The following CLHC1 variants were observed in gnomAD, a reference collection of about 807,000 sequenced individuals.
The protein encoded by CLHC1 is clathrin heavy chain linker domain containing 1.
CLHC1 carries 72 observed loss-of-function variants against 69.5 expected under a neutral mutation model. The ratio of observed to expected loss-of-function variants is 1.04; its 90% CI spans 0.86 to 1.26. CLHC1 has a LOEUF of 1.26. CLHC1 is among the 50% of genes most tolerant of loss of function. CLHC1 has a pLI of 0.00. For missense variants in CLHC1, 790 were observed against 679.3 expected (o/e 1.16, Z -1.81); for synonymous variants, 223 against 224.3 (o/e 0.99, Z 0.05).
chr2:55,218,077 ATAGAT>A, intron 3 of CLHC1, 79 bp from the exon 4 acceptor site: 1 of 689,118 alleles, frequency 1.5e-6, no homozygotes, highest in Non-Finnish European at 2.2e-6. Flanking sequence ...AAATAACATT[ATAGAT>A]TATTTTAAAA....
At position 55,180,777 on chromosome 2, in the gene CLHC1, A is replaced by G. The variant is rs930525216; in HGVS notation, c.1182-65T>C. 2.2e-5 allele frequency: 30 copies of G among 1,350,660 alleles called. No individual in the cohort carries two copies. The African/African-American group carries it at 4.2e-4, about 19-fold the overall frequency. 83.7% of individuals were successfully genotyped at this position (1,350,660 alleles called of 1,614,324 possible). A position where few individuals can be genotyped will look rare whatever the true frequency, so the allele number is the denominator to read the frequency against. The stretch of plus-strand genomic sequence containing the variant: ...CCTGATGAGTGGCTGAGACTGAAAT[A>G]TTTGAAAATTCAGCACAGTAGGACT... On this transcript the variant is annotated intron_variant, in intron 10 of 12. Transcript: ENST00000401408.
intron 5 of CLHC1, among the ~76,000 whole-genome samples, chr2:55,210,842 T>C (rs1672924064): frequency 6.6e-6 from 1 of 152,132 alleles, no homozygotes; most frequent in Admixed American, 6.5e-5. Context: ...TTCAAATGCC[T>C]TTAAAAAATA....
At chr2:55,176,308 A>G (rs571057466) in intron 12 of CLHC1, among the ~76,000 whole-genome samples, 89 of 152,316 alleles carry the variant, frequency 5.8e-4, no homozygotes, top group African/African-American at 2.0e-3. Context: ...GGAGCTCAGA[A>G]AGTGATGAAT....
intron 4 of CLHC1, chr2:55,214,265 T>C (rs1673281054): frequency 6.6e-6 from 1 of 152,350 alleles, no homozygotes; most frequent in Admixed American, 6.5e-5. Context: ...ATCCCAGCAC[T>C]GTGGGAGGCC....
chr2:55,183,843 C>T (rs555710247), intron 9 of CLHC1, among the ~76,000 whole-genome samples: 57 of 152,208 alleles, frequency 3.7e-4, no homozygotes, highest in Non-Finnish European at 4.3e-4. Flanking sequence ...TGCAATGGTG[C>T]GATCTCGGCT....
At position 55,172,701 on chromosome 2, in the gene CLHC1, TAAA is replaced by T. The variant is rs11347337; in HGVS notation, c.*3086_*3088del. 9.7e-4 allele frequency among the ~76,000 whole-genome samples: 139 copies of T among 143,020 alleles called. No individual in the cohort carries two copies. The highest frequency in any genetic ancestry group is 3.1e-3 in the African/African-American group (124 of 39,706). The allele number at this position is 143,020 out of a possible 152,430, so 93.8% of individuals were successfully genotyped here. Reference sequence around the variant, plus strand: ...GAGCTTTCTATGAAATGTACAAAGTTAAAAAAAAAAAAAAAGGCCTCTGCTATG... The same window carrying T: ...GAGCTTTCTATGAAATGTACAAAGTTAAAAAAAAAAAAGGCCTCTGCTATG... On this transcript the variant is annotated 3_prime_UTR_variant, in exon 13 of 13. Coordinates refer to ENST00000401408, the MANE Select transcript of CLHC1 (RefSeq NM_152385.4).
intron 9 of CLHC1, among the ~76,000 whole-genome samples, chr2:55,184,575 A>G (rs182537089): frequency 6.6e-6 from 1 of 152,224 alleles, no homozygotes; most frequent in Admixed American, 6.5e-5. Context: ...TAAGTTAAAT[A>G]TATATACATT....
At chr2:55,210,228 A>C (rs1479455240) in intron 5 of CLHC1, among the ~76,000 whole-genome samples, 1 of 151,036 alleles carries the variant, frequency 6.6e-6, no homozygotes, top group Admixed American at 6.6e-5. Context: ...ATGGAGTCGC[A>C]CTCTGTCGCC....
intron 9 of CLHC1, among the ~76,000 whole-genome samples, chr2:55,198,305 G>A (rs918944659): frequency 4.6e-5 from 7 of 152,204 alleles, no homozygotes; most frequent in Admixed American, 1.3e-4. Context: ...ATAATACCTG[G>A]CTGGGTGTGG....
intron 9 of CLHC1, 119 bp from the exon 10 acceptor site, chr2:55,181,863 A>G: frequency 2.6e-6 from 2 of 759,986 alleles, no homozygotes; most frequent in Non-Finnish European, 2.2e-6. Flanking sequence ...CTAAAATTAC[A>G]CATTTATAAT....
chr2:55,182,685 G>A lies in CLHC1; in HGVS notation c.1007-941C>T, dbSNP rs368665602. Reference sequence around the variant, plus strand: ...ATATTTGCCTGGAAAGTTTAAAGGTGAAAGGCTAGAGTGAGTAAAGAGAAT... The same window carrying A: ...ATATTTGCCTGGAAAGTTTAAAGGTAAAAGGCTAGAGTGAGTAAAGAGAAT... On this transcript the variant is annotated intron_variant, in intron 9 of 12. Coordinates refer to ENST00000401408, the MANE Select transcript of CLHC1 (RefSeq NM_152385.4). Among the ~76,000 whole-genome samples the A allele has an allele frequency of 2.0e-5, 3 of 152,338 alleles. No individual in the cohort carries two copies. The East Asian group carries it at 5.8e-4, about 29-fold the overall frequency.
At chr2:55,230,514 T>A (rs1291512516) in intron 1 of CLHC1, among the ~76,000 whole-genome samples, 3 of 152,144 alleles carry the variant, frequency 2.0e-5, no homozygotes, top group African/African-American at 4.8e-5. Flanking sequence ...CATTTGCATA[T>A]GATGATACTT....
At chr2:55,188,134 C>G (rs1265644367) in intron 9 of CLHC1, among the ~76,000 whole-genome samples, 2 of 151,968 alleles carry the variant, frequency 1.3e-5, no homozygotes, top group African/African-American at 2.4e-5. Flanking sequence ...GGCAACATAG[C>G]AAGTCTCCAT....
intron 9 of CLHC1, among the ~76,000 whole-genome samples, chr2:55,183,046 C>G (rs1360714338): frequency 6.6e-6 from 1 of 152,112 alleles, no homozygotes; most frequent in Non-Finnish European, 1.5e-5. Flanking sequence ...GACCACTGCA[C>G]CAGTTGAGTA....
Position 55,180,536 on chromosome 2 carries a change from A to ATGT in CLHC1, c.1355_1357dup (p.Tyr452_Ile453insAsn). On this transcript the variant is annotated inframe_insertion, in exon 11 of 13. Transcript: ENST00000401408. ...GGTAGTAAAGTCCTTCAACTGCTGT[A>ATGT]TGTACTCCATGACCCTATGAGTCTG... is the stretch of plus-strand genomic sequence containing the variant. 1 of 1,614,018 alleles carries ATGT rather than the reference A, an allele frequency of 6.2e-7. No homozygotes were observed. Among genetic ancestry groups the ATGT allele is most frequent in the Non-Finnish European group, 8.5e-7 (1 of 1,179,876 alleles).
chr2:55,232,447 C>T (rs1367882110), upstream of CLHC1: 2 of 313,188 alleles, frequency 6.4e-6, no homozygotes, highest in South Asian at 3.1e-5. Flanking sequence ...GTTGATTGTA[C>T]GGGAAAAGCC....
At chr2:55,217,335 G>C (rs984901373) in intron 4 of CLHC1, among the ~76,000 whole-genome samples, 3 of 150,414 alleles carry the variant, frequency 2.0e-5, no homozygotes, top group African/African-American at 7.3e-5. Context: ...GGGCAACATA[G>C]TGAGACCCCA....
intron 9 of CLHC1, among the ~76,000 whole-genome samples, chr2:55,183,984 T>G (rs1027096815): frequency 6.6e-6 from 1 of 152,212 alleles, no homozygotes; most frequent in African/African-American, 2.4e-5. Context: ...TGTCACCATG[T>G]TGGCCAGGAT....
Position 55,208,687 on chromosome 2 carries a change from G to T in CLHC1, c.838C>A (p.Leu280Ile). Reference protein sequence around the residue: ...LQGDQGIVEELMEDDPRRAKE... With the variant: ...LQGDQGIVEEIMEDDPRRAKE... ...GCCCTGCGTGGATCATCTTCCATTA[G>T]TTCTTCAACAATGCCTTGGTCACCT... The change falls in exon 8 of 13, where the codon CTA (leucine) becomes ATA (isoleucine). Residue 280 changes from leucine to isoleucine, a missense_variant. Transcript: ENST00000401408. 1.9e-6 allele frequency: 3 copies of T among 1,610,760 alleles called. No individual in the cohort carries two copies. Among genetic ancestry groups the T allele is most frequent in the Non-Finnish European group, 2.5e-6 (3 of 1,177,180 alleles).
Sources: allele counts gnomAD v4.1 joint callset (sites outside exome capture counted in the v4.1 genomes callset), GRCh38; gene constraint gnomAD v4.1.1; transcripts MANE v1.5; gene names NCBI Gene and HGNC (gene_info 2026-07-23, HGNC 2026-07-21).